The following SIMC1 variants were observed in gnomAD, a reference collection of about 807,000 sequenced individuals.
SIMC1 encodes SUMO interacting motifs containing 1.
SIMC1 carries 55 observed loss-of-function variants against 82.3 expected under a neutral mutation model. The ratio of observed to expected loss-of-function variants is 0.67; its 90% CI spans 0.54 to 0.84. SIMC1 has a LOEUF of 0.84. SIMC1 is among the 40% of genes least tolerant of loss of function. The pLI is 0.00. For missense variants in SIMC1, 915 were observed against 1,107.2 expected (o/e 0.83, Z 2.46); for synonymous variants, 353 against 426.3 (o/e 0.83, Z 2.12).
At chr5:176,246,407 GGTGTGTGTGTGTGTGT>G (rs57262987) in intron 1 of SIMC1, among the ~76,000 whole-genome samples, 25 of 137,058 alleles carry the variant, frequency 1.8e-4, no homozygotes, top group Non-Finnish European at 2.9e-4. Flanking sequence ...ATAGTTCAGG[GGTGTGTGTGTGTGTGT>G]GTGTGTGTGT....
intron 1 of SIMC1, among the ~76,000 whole-genome samples, chr5:176,279,698 A>G (rs1483246216): frequency 6.6e-6 from 1 of 150,738 alleles, no homozygotes; most frequent in Non-Finnish European, 1.5e-5. Flanking sequence ...GGTTTCAAAG[A>G]ACATCTTTAT....
At chr5:176,319,461 G>C (rs907577600) in intron 5 of SIMC1, among the ~76,000 whole-genome samples, 1 of 152,048 alleles carries the variant, frequency 6.6e-6, no homozygotes, top group Non-Finnish European at 1.5e-5. Flanking sequence ...TTGAGCTCAG[G>C]AGTTCAGTGA....
rs750443907 is a variant in SIMC1 at position 176,290,586 on chromosome 5, G to A, written c.1062G>A (p.Gly354=). 1 of 1,613,896 alleles carries A rather than the reference G, an allele frequency of 6.2e-7. No homozygotes were observed. Residue 354 remains glycine, a synonymous_variant, in exon 2 of 10, where the codon GGG becomes GGA. Coordinates refer to ENST00000429602, the MANE Select transcript of SIMC1 (RefSeq NM_001308195.2). ...HSPGDMPHSS[G]DVTHSPRDIP... ...CTGGAGACATGCCACACTCATCAGGGGACGTGACACACTCACCTAGAGACA... is the reference window on the plus strand; with the variant it reads ...CTGGAGACATGCCACACTCATCAGGAGACGTGACACACTCACCTAGAGACA...
chr5:176,245,858 TC>T (rs1224143455), intron 1 of SIMC1, among the ~76,000 whole-genome samples: 1 of 152,092 alleles, frequency 6.6e-6, no homozygotes, highest in Non-Finnish European at 1.5e-5. Context: ...GTGGCTCCAG[TC>T]CAAGGTCGAG....
At chr5:176,255,717 C>A (rs1761831816) in intron 1 of SIMC1, among the ~76,000 whole-genome samples, 1 of 108,272 alleles carries the variant, frequency 9.2e-6, no homozygotes, top group Non-Finnish European at 2.1e-5. Context: ...AAAATGAGTA[C>A]TCCTAAAAAA....
At chr5:176,251,574 T>C (rs544041501) in intron 1 of SIMC1, among the ~76,000 whole-genome samples, 6 of 151,952 alleles carry the variant, frequency 3.9e-5, no homozygotes, top group African/African-American at 1.5e-4. Flanking sequence ...GGGTTGAAAA[T>C]TATTTTCTTT....
At chr5:176,326,871 T>A (rs575242367) in intron 7 of SIMC1, among the ~76,000 whole-genome samples, 45 of 152,272 alleles carry the variant, frequency 3.0e-4, no homozygotes, top group Admixed American at 2.7e-3. Flanking sequence ...GGCAATGTTA[T>A]CTCTATTTAA....
At chr5:176,341,546 G>A (rs1766145950) in intron 9 of SIMC1, among the ~76,000 whole-genome samples, 1 of 152,206 alleles carries the variant, frequency 6.6e-6, no homozygotes, top group African/African-American at 2.4e-5. Context: ...GAGGGGTAAT[G>A]GTGACAAGGG....
At chr5:176,320,561 G>A (rs935837732) in intron 5 of SIMC1, among the ~76,000 whole-genome samples, 1 of 151,854 alleles carries the variant, frequency 6.6e-6, no homozygotes, top group Non-Finnish European at 1.5e-5. Flanking sequence ...GTAGAAACAG[G>A]TTTTCACCAT....
At chr5:176,242,941 CG>C (rs941672904) in intron 1 of SIMC1, among the ~76,000 whole-genome samples, 2 of 152,046 alleles carry the variant, frequency 1.3e-5, no homozygotes, top group African/African-American at 4.8e-5. Flanking sequence ...GGAAAAAATA[CG>C]GTATTTTTGT....
chr5:176,286,173 T>A (rs191133953), intron 1 of SIMC1, among the ~76,000 whole-genome samples: 5 of 152,416 alleles, frequency 3.3e-5, no homozygotes, highest in African/African-American at 1.2e-4. Flanking sequence ...GAGCCTGCAT[T>A]GCCAAGACAG....
chr5:176,335,057 A>C (rs1765825092), intron 7 of SIMC1, among the ~76,000 whole-genome samples: 1 of 151,688 alleles, frequency 6.6e-6, no homozygotes, highest in Non-Finnish European at 1.5e-5. Flanking sequence ...AGATCAGGCC[A>C]CTTCACTCCA....
At chr5:176,313,156 G>T in intron 4 of SIMC1, 1 of 526,234 alleles carries the variant, frequency 1.9e-6, no homozygotes. Context: ...AACAGACTTG[G>T]CTCAATCAGC....
At chr5:176,298,673 T>A (rs1561705370) in intron 4 of SIMC1, among the ~76,000 whole-genome samples, 1 of 152,194 alleles carries the variant, frequency 6.6e-6, no homozygotes, top group African/African-American at 2.4e-5. Flanking sequence ...ATCTAACTTT[T>A]AAGACATTGA....
chr5:176,308,085 C>T, intron 4 of SIMC1: 4 of 739,984 alleles, frequency 5.4e-6, no homozygotes, highest in Non-Finnish European at 9.9e-6. Flanking sequence ...GTGGTGCAGG[C>T]GGTGCAGGCA....
intron 7 of SIMC1, among the ~76,000 whole-genome samples, chr5:176,334,400 G>A (rs1765796595): frequency 6.6e-6 from 1 of 152,150 alleles, no homozygotes; most frequent in Non-Finnish European, 1.5e-5. Flanking sequence ...CTACATTCTT[G>A]AGGCTTAATC....
intron 1 of SIMC1, among the ~76,000 whole-genome samples, chr5:176,285,314 G>C (rs1442538771): frequency 1.3e-5 from 2 of 152,162 alleles, no homozygotes; most frequent in African/African-American, 4.8e-5. Flanking sequence ...TCATCCCTGG[G>C]ATGCAAGGCT....
rs535501831 is a variant in SIMC1 at position 176,304,751 on chromosome 5, T to C, written c.1734+8431T>C. On this transcript the variant is annotated intron_variant, in intron 4 of 9. Coordinates refer to ENST00000429602, the MANE Select transcript of SIMC1 (RefSeq NM_001308195.2). ...CCATCTAGGAAGTGAGGAGCGCCTC[T>C]TCCCAGCCGCCATCCATCTAGGAAG... Among the ~76,000 whole-genome samples the C allele has an allele frequency of 1.4e-3, 203 of 149,630 alleles. 1 individual carries two copies. The highest frequency in any genetic ancestry group is 4.7e-3 in the African/African-American group (189 of 40,594).
intron 9 of SIMC1, among the ~76,000 whole-genome samples, chr5:176,337,494 T>C (rs1270151853): frequency 4.6e-5 from 7 of 152,188 alleles, no homozygotes; most frequent in African/African-American, 1.7e-4. Context: ...CTCAGGAGGT[T>C]GAAGCAGGAG....
Sources: gnomAD v4.1 joint callset for allele counts (sites outside exome capture counted in the v4.1 genomes callset) on GRCh38, gnomAD v4.1.1 for gene constraint, MANE v1.5 for transcripts, NCBI Gene and HGNC (gene_info 2026-07-23, HGNC 2026-07-21) for gene names.